Variants in IGF2R observed in about 807,000 individuals in gnomAD.
IGF2R encodes insulin like growth factor 2 receptor.
A neutral mutation model predicts 270.6 loss-of-function variants in IGF2R; 91 were observed. The ratio of observed to expected loss-of-function variants is 0.34; its 90% CI spans 0.28 to 0.40. IGF2R has a LOEUF of 0.40. Among genes scored for constraint, IGF2R ranks in the 10% least tolerant of loss-of-function variants. The pLI is 1.00. For missense variants in IGF2R, 2,805 were observed against 3,188.3 expected (o/e 0.88, Z 2.90); for synonymous variants, 1,316 against 1,258.9 (o/e 1.05, Z -0.96).
chr6:160,005,606 G>T (rs1784208994), intron 2 of IGF2R: 1 of 152,192 alleles, frequency 6.6e-6, no homozygotes, highest in Non-Finnish European at 1.5e-5. Flanking sequence ...CATTATGAGG[G>T]ACCCGTAGGG....
chr6:160,060,424 C>A, intron 22 of IGF2R, 123 bp from the exon 23 acceptor site: 1 of 892,176 alleles, frequency 1.1e-6, no homozygotes, highest in Non-Finnish European at 1.8e-6. Flanking sequence ...GGTGTCATTG[C>A]TCCCACGAAC....
intron 11 of IGF2R, among the ~76,000 whole-genome samples, chr6:160,042,550 T>G (rs1490585209): frequency 6.6e-6 from 1 of 152,180 alleles, no homozygotes; most frequent in East Asian, 1.9e-4. Context: ...TGGTGCCCCC[T>G]CACGTCCTGC....
chr6:160,001,269 A>G (rs1220916117), intron 2 of IGF2R, among the ~76,000 whole-genome samples: 1 of 151,944 alleles, frequency 6.6e-6, no homozygotes, highest in Admixed American at 6.6e-5. Context: ...CGCGAACCCT[A>G]TTGTGAACTG....
intron 24 of IGF2R, 38 bp from the exon 25 acceptor site, chr6:160,061,715 C>T (rs1031529786): frequency 5.6e-6 from 9 of 1,613,506 alleles, no homozygotes; most frequent in Non-Finnish European, 7.6e-6. Context: ...AAGGTCATCG[C>T]CTTCCTCATG....
intron 1 of IGF2R, among the ~76,000 whole-genome samples, chr6:159,969,820 C>G (rs1783581029): frequency 6.6e-6 from 1 of 152,124 alleles, no homozygotes; most frequent in African/African-American, 2.4e-5. Context: ...CCGGTGAGGC[C>G]CCTCGGTGTG....
At chr6:160,096,096 C>T (rs1469353691) in intron 44 of IGF2R, 3 of 181,712 alleles carry the variant, frequency 1.7e-5, no homozygotes, top group Non-Finnish European at 3.4e-5. Context: ...ATTTAAAGTT[C>T]CTAAAATTGT....
At position 160,096,577 on chromosome 6, in the gene IGF2R, A is replaced by G. The variant is rs1395964901; in HGVS notation, c.6794A>G (p.Asp2265Gly). ...CCCGAGTTCAGTCACGAGACTGCCG[A>G]CTGCCAGTACCTCTTCTCTTGGTAC... Reference protein sequence around the residue: ...GIPEFSHETADCQYLFSWYTS... With the variant: ...GIPEFSHETAGCQYLFSWYTS... Residue 2265 changes from aspartate to glycine, a missense_variant, in exon 45 of 48, where the codon GAC becomes GGC. Transcript: ENST00000356956. 1.2e-6 allele frequency: 2 copies of G among 1,614,118 alleles called. No homozygotes were observed. Among genetic ancestry groups the G allele is most frequent in the Admixed American group, 3.3e-5 (2 of 60,022 alleles).
At chr6:159,997,756 A>G (rs999329787) in intron 2 of IGF2R, among the ~76,000 whole-genome samples, 1 of 152,160 alleles carries the variant, frequency 6.6e-6, no homozygotes, top group Non-Finnish European at 1.5e-5. Context: ...CTCACCTGTA[A>G]CTTGGGTTCT....
At position 160,110,045 on chromosome 6, in the gene IGF2R, C is replaced by T. The variant is rs1779711615; in HGVS notation, c.*4961C>T. On this transcript the variant is annotated 3_prime_UTR_variant, in exon 48 of 48. Transcript: ENST00000356956. ...TGGGAAATGCTGAATTGAAGTGAAA[C>T]AGCTTTTCTTGGTGTGAGACCTTTC... 6.6e-6 allele frequency: 1 copy of T among 152,222 alleles called. No homozygotes were observed. Among genetic ancestry groups the T allele is most frequent in the African/African-American group, 2.4e-5 (1 of 41,458 alleles). 9.4% of individuals were successfully genotyped at this position (152,222 alleles called of 1,614,324 possible).
intron 44 of IGF2R, among the ~76,000 whole-genome samples, chr6:160,091,708 A>G (rs534633019): frequency 2.8e-4 from 43 of 152,340 alleles, no homozygotes; most frequent in African/African-American, 5.1e-4. Context: ...CAGATGTTGC[A>G]TGTCACAGGT....
chr6:160,029,444 C>A, intron 6 of IGF2R, 106 bp from the exon 7 acceptor site: 1 of 632,056 alleles, frequency 1.6e-6, no homozygotes, highest in Non-Finnish European at 2.9e-6. Flanking sequence ...TCTTCTGTTA[C>A]CCTCTCCTCC....
Position 160,044,452 on chromosome 6 carries a change from CTTTG to C in IGF2R, c.1622-60_1622-57del, listed in dbSNP as rs1029417123. ...TCTTTCTTTTTTTTTTAAGTCACTT[CTTTG>C]TCTGCGTGATGATCATTTTTAACCA... On this transcript the variant is annotated intron_variant, in intron 12 of 47. Coordinates refer to ENST00000356956, the MANE Select transcript of IGF2R (RefSeq NM_000876.4). The C allele has an allele frequency of 8.2e-6, 10 of 1,221,132 alleles. 1 individual carries two copies. Among genetic ancestry groups the C allele is most frequent in the East Asian group, 4.7e-5 (2 of 42,512 alleles). The allele number at this position is 1,221,132 out of a possible 1,614,324, so 75.6% of individuals were successfully genotyped here. A position where few individuals can be genotyped will look rare whatever the true frequency, so the allele number is the denominator to read the frequency against.
chr6:160,082,493 G>A (rs1048090697), intron 39 of IGF2R, among the ~76,000 whole-genome samples: 1 of 152,152 alleles, frequency 6.6e-6, no homozygotes, highest in Non-Finnish European at 1.5e-5. Flanking sequence ...TGTATTTTTG[G>A]TAGAGATGGG....
At chr6:160,039,506 G>A (rs1777896071) in intron 10 of IGF2R, among the ~76,000 whole-genome samples, 1 of 152,194 alleles carries the variant, frequency 6.6e-6, no homozygotes, top group Non-Finnish European at 1.5e-5. Context: ...GCTCACTACA[G>A]GTTTGCCGCT....
chr6:160,056,766 G>C (rs899870132), intron 20 of IGF2R, among the ~76,000 whole-genome samples: 1 of 152,298 alleles, frequency 6.6e-6, no homozygotes, highest in South Asian at 2.1e-4. Context: ...CCTTCCTTTT[G>C]TTTCCATTCC....
intron 9 of IGF2R, among the ~76,000 whole-genome samples, chr6:160,033,350 TG>T (rs1168857476): frequency 6.6e-6 from 1 of 152,234 alleles, no homozygotes; most frequent in Non-Finnish European, 1.5e-5. Flanking sequence ...TTGCCCACGC[TG>T]ATCTTGAAGT....
chr6:160,105,115 C>T lies in IGF2R; in HGVS notation c.*31C>T, dbSNP rs370340006. 8.2e-5 allele frequency: 121 copies of T among 1,482,076 alleles called. No individual in the cohort carries two copies. Among genetic ancestry groups the T allele is most frequent in the South Asian group, 1.9e-4 (14 of 72,610 alleles). 91.8% of individuals were successfully genotyped at this position (1,482,076 alleles called of 1,614,324 possible). On this transcript the variant is annotated 3_prime_UTR_variant, in exon 48 of 48. Transcript: ENST00000356956. ...CAGTGCCTGCAGGGGAGCACGGAGC[C>T]GCGGGACAGCCAAGCACCTCCAACC...
intron 4 of IGF2R, among the ~76,000 whole-genome samples, chr6:160,021,346 AAAAACC>A (rs1431646009): frequency 1.3e-5 from 2 of 151,030 alleles, no homozygotes; most frequent in Non-Finnish European, 2.9e-5. Flanking sequence ...CGCAAGGATA[AAAAACC>A]AAACATCGTA....
chr6:160,064,945 G>C, intron 29 of IGF2R, 44 bp downstream of exon 29: 1 of 1,326,614 alleles, frequency 7.5e-7, no homozygotes. Flanking sequence ...GACTAACTTG[G>C]TATGATTTTG....
Sources: allele counts gnomAD v4.1 joint callset (sites outside exome capture counted in the v4.1 genomes callset), GRCh38; gene constraint gnomAD v4.1.1; transcripts MANE v1.5; gene names NCBI Gene and HGNC (gene_info 2026-07-23, HGNC 2026-07-21).